The following DMD variants were observed in gnomAD, a reference collection of about 807,000 sequenced individuals.
DMD encodes dystrophin.
DMD carries 63 observed loss-of-function variants against 330.1 expected under a neutral mutation model. That is an observed-to-expected ratio of 0.19 (90% confidence interval 0.16 to 0.24). The LOEUF is 0.24. Among genes scored for constraint, DMD ranks in the 10% least tolerant of loss-of-function variants. DMD has a pLI of 1.00. For synonymous variants in DMD, 1,223 were observed against 959.8 expected (o/e 1.27, Z -5.07); for missense variants, 3,344 against 2,684.1 (o/e 1.25, Z -5.43).
intron 1 of DMD, among the ~76,000 whole-genome samples, chrX:33,224,714 T>C (rs1212695394): frequency 1.8e-5 from 2 of 111,157 alleles, no homozygotes; most frequent in African/African-American, 3.3e-5. Flanking sequence ...ATGGAACCTA[T>C]GGATCTGAGT....
chrX:31,931,393 A>T (rs2094850389), intron 46 of DMD, among the ~76,000 whole-genome samples: 2 of 110,809 alleles, frequency 1.8e-5, no homozygotes, highest in Admixed American at 9.7e-5. Flanking sequence ...AGTAATCAGT[A>T]ATAAGCAGAC....
intron 13 of DMD, among the ~76,000 whole-genome samples, chrX:32,588,944 G>GT (rs1191354974): frequency 2.7e-5 from 3 of 111,367 alleles, no homozygotes; most frequent in East Asian, 5.7e-4. Flanking sequence ...GTACAGTGAG[G>GT]TAAGTTTCAT....
intron 33 of DMD, among the ~76,000 whole-genome samples, chrX:32,381,512 G>A (rs1056573185): frequency 9.0e-6 from 1 of 110,898 alleles, no homozygotes; most frequent in Admixed American, 9.7e-5. Context: ...TTCTACTAAA[G>A]GCAGTCAAAT....
intron 19 of DMD, among the ~76,000 whole-genome samples, chrX:32,492,216 G>T (rs1277102976): frequency 9.9e-5 from 11 of 111,045 alleles, no homozygotes; most frequent in African/African-American, 2.9e-4. Flanking sequence ...CGGGCGCCTG[G>T]GGTTCCAGCT....
chrX:32,979,497 G>T (rs767790446), intron 2 of DMD, among the ~76,000 whole-genome samples: 7 of 111,307 alleles, frequency 6.3e-5, no homozygotes, highest in African/African-American at 2.0e-4. Context: ...AATGACGGAA[G>T]GTATTCATGT....
At chrX:33,049,735 AAATT>A (rs1448417480) in intron 1 of DMD, among the ~76,000 whole-genome samples, 3 of 111,491 alleles carry the variant, frequency 2.7e-5, no homozygotes, top group African/African-American at 6.5e-5. Flanking sequence ...ATATTTTTGA[AAATT>A]AATATATATG....
In DMD at chrX:32,437,745, T is replaced by G. The variant is rs2098267114; in HGVS notation, c.4071+496A>C. On this transcript the variant is annotated intron_variant, in intron 29 of 78. Transcript: ENST00000357033. ...TGCAAAACACTGACTAGGAGAAATT[T>G]GCTATTTTGTTTTAGTTTTGATTTG... Among the ~76,000 whole-genome samples the G allele has an allele frequency of 2.7e-5, 3 of 112,789 alleles. No individual in the cohort carries two copies. The South Asian group carries it at 1.1e-3, about 41-fold the overall frequency.
chrX:31,649,697 A>G (rs1437197175), intron 54 of DMD, among the ~76,000 whole-genome samples: 2 of 110,068 alleles, frequency 1.8e-5, no homozygotes, highest in Non-Finnish European at 3.8e-5. Flanking sequence ...TCAGTTGGGA[A>G]GATTTGGGTC....
intron 7 of DMD, among the ~76,000 whole-genome samples, chrX:32,797,639 T>G (rs2076270044): frequency 8.9e-6 from 1 of 112,119 alleles, no homozygotes; most frequent in African/African-American, 3.2e-5. Context: ...ATGAACTCAT[T>G]GTGATGATAT....
intron 55 of DMD, among the ~76,000 whole-genome samples, chrX:31,531,041 G>T (rs370008161): frequency 1.5e-3 from 110 of 75,008 alleles, no homozygotes; most frequent in East Asian, 4.2e-3. Flanking sequence ...TTCCATGGTG[G>T]ATATGTGCCA....
At chrX:32,209,557 A>G (rs2097085439) in intron 44 of DMD, among the ~76,000 whole-genome samples, 1 of 111,906 alleles carries the variant, frequency 8.9e-6, no homozygotes, top group Admixed American at 9.5e-5. Context: ...TTAATCTTAC[A>G]TTTCATTAAA....
At position 32,092,724 on chromosome X, in the gene DMD, C is replaced by CTTTTTTTTTTTTTTTT. The variant is rs11315047; in HGVS notation, c.6438+124176_6438+124191dup. Among the ~76,000 whole-genome samples, 11 of 39,798 alleles carry CTTTTTTTTTTTTTTTT rather than the reference C, an allele frequency of 2.8e-4. 1 individual carries two copies. The highest frequency in any genetic ancestry group is 3.0e-4 in the Non-Finnish European group (7 of 23,026). 34.6% of individuals were successfully genotyped at this position (39,798 alleles called of 115,157 possible). Reference sequence around the variant, plus strand: ...AAAAATGTTCATCACGTTATTTTCACTTTTTTTTTTTTTTTTTTTTTTTTT... The same window carrying CTTTTTTTTTTTTTTTT: ...AAAAATGTTCATCACGTTATTTTCACTTTTTTTTTTTTTTTTTTTTTTTTTTTTTTTTTTTTTTTTT... On this transcript the variant is annotated intron_variant, in intron 44 of 78. Coordinates refer to ENST00000357033, the MANE Select transcript of DMD (RefSeq NM_004006.3).
At chrX:33,203,475 C>T (rs1485636779) in intron 1 of DMD, among the ~76,000 whole-genome samples, 2 of 111,150 alleles carry the variant, frequency 1.8e-5, no homozygotes, top group African/African-American at 3.3e-5. Context: ...GTAATATTCA[C>T]AGAAATAGCA....
intron 55 of DMD, among the ~76,000 whole-genome samples, chrX:31,521,338 T>C (rs2072745026): frequency 9.0e-6 from 1 of 110,707 alleles, no homozygotes; most frequent in African/African-American, 3.3e-5. Context: ...AGTTTTTTTA[T>C]TTTTAGTAGA....
chrX:32,519,763 CT>C (rs1486932281), intron 17 of DMD, among the ~76,000 whole-genome samples: 1 of 112,005 alleles, frequency 8.9e-6, no homozygotes, highest in Admixed American at 9.5e-5. Context: ...AGTTTTGGGA[CT>C]TTGAATCATA....
chrX:31,757,798 C>A (rs1177312429), intron 51 of DMD, among the ~76,000 whole-genome samples: 1 of 110,612 alleles, frequency 9.0e-6, no homozygotes, highest in African/African-American at 3.3e-5. Context: ...CATAGCAGCC[C>A]CCTTATGGAA....
At chrX:31,304,888 G>T (rs922374982) in intron 62 of DMD, among the ~76,000 whole-genome samples, 2 of 110,848 alleles carry the variant, frequency 1.8e-5, no homozygotes, top group Non-Finnish European at 3.8e-5. Context: ...ATTTTGAACT[G>T]CACAGCTAGA....
chrX:31,431,052 G>A (rs1018776313), intron 60 of DMD, among the ~76,000 whole-genome samples: 3 of 109,493 alleles, frequency 2.7e-5, no homozygotes, highest in East Asian at 2.9e-4. Context: ...CACCCGCCTC[G>A]GCCTCCCAAA....
At chrX:32,321,133 G>A (rs1603630678) in intron 41 of DMD, among the ~76,000 whole-genome samples, 1 of 111,431 alleles carries the variant, frequency 9.0e-6, no homozygotes, top group African/African-American at 3.3e-5. Flanking sequence ...TTATATATAT[G>A]CACATGTATG....
Sources: gnomAD v4.1 joint callset for allele counts (sites outside exome capture counted in the v4.1 genomes callset) on GRCh38, gnomAD v4.1.1 for gene constraint, MANE v1.5 for transcripts, NCBI Gene and HGNC (gene_info 2026-07-23, HGNC 2026-07-21) for gene names.